CASP6: variants seen among roughly 807,000 people sequenced by gnomAD.
CASP6 encodes the protein caspase-6.
In CASP6, 20 loss-of-function variants were observed where a neutral mutation model predicts 31.8. That is an observed-to-expected ratio of 0.63 (90% CI 0.44 to 0.91). The LOEUF (loss-of-function observed/expected upper bound fraction) is 0.91, where lower values mean the gene tolerates loss of function less well. CASP6 is among the 40% of genes least tolerant of loss of function. CASP6 has a pLI of 0.00. For synonymous variants in CASP6, 130 were observed against 127.8 expected (o/e 1.02, Z -0.12); for missense variants, 328 against 361.1 (o/e 0.91, Z 0.74).
the CASP6 span, among the ~76,000 whole-genome samples, chr4:109,669,801 A>G: frequency 6.6e-6 from 1 of 151,712 alleles, no homozygotes; most frequent in South Asian, 2.1e-4. Context: ...TGTTTCATCT[A>G]CTAACAAGCC....
At chr4:109,708,738 T>C in the CASP6 span, among the ~76,000 whole-genome samples, 103,757 of 152,186 alleles carry the variant, frequency 0.68, 36,267 homozygotes, top group African/African-American at 0.85. Context: ...CTATAGTCTA[T>C]GTGGTTAAGT....
intron 5 of CASP6, 25 bp from the exon 6 acceptor site, chr4:109,691,034 A>ACCT (rs768992458): frequency 6.3e-7 from 1 of 1,593,614 alleles, no homozygotes; most frequent in Non-Finnish European, 8.5e-7. Flanking sequence ...GGAAAAACCC[A>ACCT]CCTCTTTGCC....
At chr4:109,696,575 C>T (rs1034216733) in intron 3 of CASP6, 89 bp from the exon 4 acceptor site, 76 of 802,200 alleles carry the variant, frequency 9.5e-5, no homozygotes, top group Non-Finnish European at 1.3e-4. Context: ...CACATTTTAA[C>T]GACACATAAA....
chr4:109,670,172 G>A, the CASP6 span, among the ~76,000 whole-genome samples: 1 of 152,140 alleles, frequency 6.6e-6, no homozygotes, highest in African/African-American at 2.4e-5. Context: ...GGTATGGAGG[G>A]GAAGTGTTCT....
At chr4:109,684,905 A>G, downstream of CASP6, 1 of 391,938 alleles carries the variant, frequency 2.6e-6, no homozygotes, top group Non-Finnish European at 4.5e-6. Flanking sequence ...CTGTGCCCTC[A>G]TTTATAAAAA....
intron 6 of CASP6, among the ~76,000 whole-genome samples, chr4:109,689,831 G>A (rs995734722): frequency 6.6e-6 from 1 of 152,042 alleles, no homozygotes; most frequent in Non-Finnish European, 1.5e-5. Flanking sequence ...CAATGATTGA[G>A]ACATGAGATT....
the CASP6 span, among the ~76,000 whole-genome samples, chr4:109,679,434 C>T: frequency 6.6e-6 from 1 of 152,308 alleles, no homozygotes; most frequent in Admixed American, 6.5e-5. Flanking sequence ...TCACCTGAGG[C>T]CAGGAGCTGG....
At chr4:109,677,897 GGA>G in the CASP6 span, among the ~76,000 whole-genome samples, 1 of 147,280 alleles carries the variant, frequency 6.8e-6, no homozygotes, top group Non-Finnish European at 1.5e-5. Context: ...GGATAATAGT[GGA>G]GAGAAGGTCA....
chr4:109,706,131 TTATATATATA>T (rs58847180), upstream of CASP6, among the ~76,000 whole-genome samples: 54 of 36,096 alleles, frequency 1.5e-3, 1 homozygote, highest in East Asian at 0.014. Context: ...CCTATCCATT[TTATATATATA>T]TATATATATA....
chr4:109,684,632 A>T, downstream of CASP6: 1 of 1,492,792 alleles, frequency 6.7e-7, no homozygotes. Flanking sequence ...TGCATACTTT[A>T]TAGTCACTCG....
chr4:109,699,404 CCTCA>C (rs962522228), intron 1 of CASP6, among the ~76,000 whole-genome samples: 28 of 152,120 alleles, frequency 1.8e-4, no homozygotes, highest in African/African-American at 6.5e-4. Context: ...CCTCACTTCT[CCTCA>C]AAAAAAATAC....
At chr4:109,678,956 G>C in the CASP6 span, among the ~76,000 whole-genome samples, 20 of 145,260 alleles carry the variant, frequency 1.4e-4, no homozygotes, top group Non-Finnish European at 2.4e-4. Flanking sequence ...GGGCAGAGGC[G>C]CTCCTCACTT....
At chr4:109,708,313 G>A (rs893252923), upstream of CASP6, among the ~76,000 whole-genome samples, 11 of 152,214 alleles carry the variant, frequency 7.2e-5, no homozygotes, top group African/African-American at 2.7e-4. Flanking sequence ...CTTGTATGGT[G>A]GTTGTGATGA....
At chr4:109,700,098 A>G (rs1730371849) in intron 1 of CASP6, among the ~76,000 whole-genome samples, 1 of 152,270 alleles carries the variant, frequency 6.6e-6, no homozygotes, top group South Asian at 2.1e-4. Flanking sequence ...AACCTAACTC[A>G]TGGAAGCTGT....
the CASP6 span, among the ~76,000 whole-genome samples, chr4:109,679,897 G>T: frequency 6.6e-6 from 1 of 152,124 alleles, no homozygotes; most frequent in African/African-American, 2.4e-5. Context: ...TGCCTTCTGG[G>T]TTCAAGCAAT....
intron 1 of CASP6, among the ~76,000 whole-genome samples, chr4:109,699,310 C>T (rs1029017539): frequency 9.2e-5 from 14 of 152,162 alleles, no homozygotes; most frequent in African/African-American, 3.4e-4. Context: ...TGGACTCTTA[C>T]CCATCATCTC....
chr4:109,672,979 A>G, the CASP6 span, among the ~76,000 whole-genome samples: 1 of 152,236 alleles, frequency 6.6e-6, no homozygotes, highest in Non-Finnish European at 1.5e-5. Context: ...TTAATTGTAT[A>G]TTTGAACATT....
At chr4:109,693,186 G>A (rs5030579) in intron 5 of CASP6, among the ~76,000 whole-genome samples, 284 of 152,202 alleles carry the variant, frequency 1.9e-3, no homozygotes, top group African/African-American at 6.5e-3. Flanking sequence ...GCTTCCTAAG[G>A]CCTCACCAGA....
chr4:109,708,269 T>C (rs1425707913), upstream of CASP6, among the ~76,000 whole-genome samples: 2 of 152,228 alleles, frequency 1.3e-5, no homozygotes, highest in Non-Finnish European at 2.9e-5. Context: ...TAGTAACTTA[T>C]CCTGCAACAA....
Sources: allele counts gnomAD v4.1 joint callset (sites outside exome capture counted in the v4.1 genomes callset), GRCh38; gene constraint gnomAD v4.1.1; transcripts MANE v1.5; gene names NCBI Gene and HGNC (gene_info 2026-07-23, HGNC 2026-07-21).